The following LSAMP variants were observed in gnomAD, a reference collection of about 807,000 sequenced individuals.
The protein encoded by LSAMP is limbic system associated membrane protein.
LSAMP carries 7 observed loss-of-function variants against 38.6 expected under a neutral mutation model. The observed-to-expected ratio is 0.18, with a 90% CI of 0.10 to 0.34. LSAMP has a LOEUF of 0.34. Among genes scored for constraint, LSAMP ranks in the 10% least tolerant of loss-of-function variants. LSAMP has a pLI of 1.00. For synonymous variants in LSAMP, 154 were observed against 166.8 expected, an observed-to-expected ratio of 0.92 and a Z score of 0.59; for missense variants, 313 against 420.0, an observed-to-expected ratio of 0.75 and a Z score of 2.23.
chr3:115,856,213 C>T (rs1935501627), intron 3 of LSAMP, among the ~76,000 whole-genome samples: 1 of 152,138 alleles, frequency 6.6e-6, no homozygotes, highest in Admixed American at 6.5e-5. Context: ...CTCCAAAATT[C>T]ATATGTTGAA....
intron 2 of LSAMP, among the ~76,000 whole-genome samples, chr3:116,064,376 A>G (rs186404563): frequency 6.6e-6 from 1 of 152,154 alleles, no homozygotes; most frequent in Non-Finnish European, 1.5e-5. Context: ...AAATACAAGC[A>G]TAGTGGTGGA....
intron 6 of LSAMP, among the ~76,000 whole-genome samples, chr3:115,823,395 A>T (rs527849659): frequency 6.6e-6 from 1 of 152,256 alleles, no homozygotes; most frequent in Non-Finnish European, 1.5e-5. Flanking sequence ...TTCTGAGAGC[A>T]TGGAAAAATA....
intron 1 of LSAMP, among the ~76,000 whole-genome samples, chr3:116,278,101 A>C (rs2047078500): frequency 6.6e-6 from 1 of 152,178 alleles, no homozygotes; most frequent in Non-Finnish European, 1.5e-5. Context: ...TACAGGTAAA[A>C]TCCTTTGAGA....
chr3:116,103,922 T>C (rs986872593), intron 1 of LSAMP, among the ~76,000 whole-genome samples: 2 of 152,200 alleles, frequency 1.3e-5, no homozygotes, highest in African/African-American at 4.8e-5. Context: ...CATTGTACCT[T>C]TGTATAATAC....
chr3:116,231,548 T>A (rs2046402680), intron 1 of LSAMP, among the ~76,000 whole-genome samples: 1 of 152,170 alleles, frequency 6.6e-6, no homozygotes, highest in African/African-American at 2.4e-5. Flanking sequence ...GGTGCTTCAG[T>A]GGGCACGGTA....
intron 1 of LSAMP, among the ~76,000 whole-genome samples, chr3:116,290,397 C>T (rs987725707): frequency 3.3e-5 from 5 of 151,912 alleles, no homozygotes; most frequent in Admixed American, 2.6e-4. Context: ...GAAGAATTCC[C>T]CCCCATCTTC....
chr3:115,935,516 C>T (rs539754534), intron 3 of LSAMP, among the ~76,000 whole-genome samples: 2 of 152,322 alleles, frequency 1.3e-5, no homozygotes, highest in East Asian at 1.9e-4. Flanking sequence ...CACTAGGTAT[C>T]GGAGGCTCTG....
chr3:116,117,570 T>G (rs1708780029), intron 1 of LSAMP, among the ~76,000 whole-genome samples: 1 of 152,216 alleles, frequency 6.6e-6, no homozygotes, highest in African/African-American at 2.4e-5. Flanking sequence ...CAGGACCCCA[T>G]CCAGTGTGCC....
At chr3:116,326,467 C>T (rs1053169137) in intron 1 of LSAMP, among the ~76,000 whole-genome samples, 4 of 152,150 alleles carry the variant, frequency 2.6e-5, no homozygotes, top group Admixed American at 6.6e-5. Context: ...GCCCTTGGAT[C>T]CTCTGTCCCA....
chr3:116,149,753 G>A (rs547931901), intron 1 of LSAMP, among the ~76,000 whole-genome samples: 1 of 152,044 alleles, frequency 6.6e-6, no homozygotes, highest in East Asian at 1.9e-4. Context: ...AGACTTTGTT[G>A]TAATGGTGAT....
At chr3:116,170,549 G>C (rs2107552053) in intron 1 of LSAMP, among the ~76,000 whole-genome samples, 1 of 152,272 alleles carries the variant, frequency 6.6e-6, no homozygotes, top group East Asian at 1.9e-4. Flanking sequence ...TGTGTTATAA[G>C]AGCTAGCATA....
intron 2 of LSAMP, among the ~76,000 whole-genome samples, chr3:116,068,041 A>G (rs1161350281): frequency 6.6e-6 from 1 of 152,190 alleles, no homozygotes. Context: ...AAGGTACCCC[A>G]AAGTCTATGG....
chr3:116,210,650 G>T (rs1237103536), intron 1 of LSAMP, among the ~76,000 whole-genome samples: 4 of 152,116 alleles, frequency 2.6e-5, no homozygotes, highest in African/African-American at 9.7e-5. Context: ...GATTGTGTGA[G>T]CCAATTCTCC....
chr3:116,047,616 C>G (rs1466804739), intron 2 of LSAMP, among the ~76,000 whole-genome samples: 1 of 152,142 alleles, frequency 6.6e-6, no homozygotes, highest in African/African-American at 2.4e-5. Context: ...TTGGACAACT[C>G]TGACTTCAAG....
intron 3 of LSAMP, among the ~76,000 whole-genome samples, chr3:115,978,193 G>A (rs1285415534): frequency 6.6e-6 from 1 of 152,066 alleles, no homozygotes; most frequent in African/African-American, 2.4e-5. Flanking sequence ...GGAAATGGTA[G>A]TTATTTCCTT....
At chr3:116,437,025 GTATATATATATATGTGTA>G (rs1208559996) in intron 1 of LSAMP, among the ~76,000 whole-genome samples, 2 of 141,596 alleles carry the variant, frequency 1.4e-5, no homozygotes, top group South Asian at 2.2e-4. Context: ...ATATGTGTGT[GTATATATATATATGTGTA>G]TATATATATA....
At chr3:116,335,879 A>C (rs1049298935) in intron 1 of LSAMP, among the ~76,000 whole-genome samples, 4 of 152,056 alleles carry the variant, frequency 2.6e-5, no homozygotes, top group African/African-American at 9.7e-5. Context: ...TCGAACTTAC[A>C]GTTTCTACTC....
chr3:115,839,286 C>CTTCCTTCA (rs1204193792), intron 6 of LSAMP, among the ~76,000 whole-genome samples: 1 of 126,860 alleles, frequency 7.9e-6, no homozygotes, highest in Non-Finnish European at 1.7e-5. Flanking sequence ...TCCTTCCTTC[C>CTTCCTTCA]TTCCTTCCTT....
chr3:115,982,929 G>GA (rs1939404924), intron 3 of LSAMP, among the ~76,000 whole-genome samples: 2 of 99,280 alleles, frequency 2.0e-5, no homozygotes, highest in Non-Finnish European at 3.8e-5. Flanking sequence ...TGCCTATGGA[G>GA]ACTTTTTTTT....
Sources: gnomAD v4.1 joint callset for allele counts (sites outside exome capture counted in the v4.1 genomes callset) on GRCh38, gnomAD v4.1.1 for gene constraint, MANE v1.5 for transcripts, NCBI Gene and HGNC (gene_info 2026-07-23, HGNC 2026-07-21) for gene names.